Variants in SNTG1 observed in about 807,000 individuals in gnomAD.
SNTG1 encodes the protein syntrophin gamma 1, also known as gamma-1-syntrophin.
A neutral mutation model predicts 74.7 loss-of-function variants in SNTG1; 39 were observed. The ratio of observed to expected loss-of-function variants is 0.52; its 90% CI spans 0.40 to 0.68. SNTG1 has a LOEUF of 0.68. Among genes scored for constraint, SNTG1 ranks in the 30% least tolerant of loss-of-function variants. The pLI, the probability that SNTG1 is intolerant of heterozygous loss-of-function variation, is 0.00. For missense variants in SNTG1, 685 were observed against 609.5 expected (o/e 1.12, Z -1.30); for synonymous variants, 254 against 217.1 (o/e 1.17, Z -1.49).
At chr8:50,444,348 G>A (rs1018518859) in intron 5 of SNTG1, among the ~76,000 whole-genome samples, 2 of 152,086 alleles carry the variant, frequency 1.3e-5, no homozygotes, top group African/African-American at 4.8e-5. Context: ...TAAGTGCATG[G>A]ACGTGCTTGC....
At position 50,282,952 on chromosome 8, in the gene SNTG1, A is replaced by G. The variant is rs2088560938; in HGVS notation, c.-28+110317A>G. 2.0e-5 allele frequency among the ~76,000 whole-genome samples: 3 copies of G among 152,218 alleles called. No individual in the cohort carries two copies. The South Asian group carries it at 6.2e-4, about 32-fold the overall frequency. On this transcript the variant is annotated intron_variant, in intron 2 of 18. Transcript: ENST00000642720. ...CAAATAACCATATTGCCATGAAAAT[A>G]AAAGTATTCACTAAGAGTTTCTAAA... is the stretch of plus-strand genomic sequence containing the variant.
At chr8:50,595,411 A>G (rs2094720785) in intron 13 of SNTG1, among the ~76,000 whole-genome samples, 1 of 152,148 alleles carries the variant, frequency 6.6e-6, no homozygotes. Context: ...AAAGAGGTGT[A>G]AATGTTATTT....
At chr8:49,920,152 C>T (rs1295180936) in intron 1 of SNTG1, among the ~76,000 whole-genome samples, 1 of 152,040 alleles carries the variant, frequency 6.6e-6, no homozygotes, top group Non-Finnish European at 1.5e-5. Flanking sequence ...TCCAAGAAAT[C>T]TCCTTGAAGT....
At chr8:50,054,708 G>A (rs1362755162) in intron 1 of SNTG1, among the ~76,000 whole-genome samples, 3 of 151,966 alleles carry the variant, frequency 2.0e-5, no homozygotes, top group Non-Finnish European at 2.9e-5. Flanking sequence ...GTTTTACTCC[G>A]TTCCCCAAGC....
intron 17 of SNTG1, among the ~76,000 whole-genome samples, chr8:50,714,738 G>A (rs1228537403): frequency 2.0e-5 from 3 of 152,040 alleles, no homozygotes; most frequent in Non-Finnish European, 4.4e-5. Flanking sequence ...GGAGAGGAAA[G>A]CTGGAGAAAC....
intron 1 of SNTG1, among the ~76,000 whole-genome samples, chr8:50,089,180 G>T (rs1392606527): frequency 1.1e-4 from 16 of 151,944 alleles, no homozygotes; most frequent in African/African-American, 2.4e-4. Context: ...TAATAAATGG[G>T]GCTGGGAAAA....
chr8:50,346,558 A>G (rs959792283), intron 2 of SNTG1, among the ~76,000 whole-genome samples: 3 of 152,234 alleles, frequency 2.0e-5, no homozygotes, highest in African/African-American at 7.2e-5. Flanking sequence ...CTCCCTTTAA[A>G]TCAAAAGCTA....
chr8:50,638,028 C>A (rs1254362443), intron 13 of SNTG1, among the ~76,000 whole-genome samples: 1 of 152,068 alleles, frequency 6.6e-6, no homozygotes, highest in Non-Finnish European at 1.5e-5. Flanking sequence ...GATGTATCCA[C>A]GTCCATACCC....
chr8:50,264,357 C>T (rs1447583388), intron 2 of SNTG1, among the ~76,000 whole-genome samples: 2 of 151,984 alleles, frequency 1.3e-5, no homozygotes, highest in African/African-American at 2.4e-5. Flanking sequence ...CGTTTGAGGT[C>T]AGGAGTTCGA....
chr8:50,431,772 CT>C (rs1196475250), intron 4 of SNTG1, among the ~76,000 whole-genome samples: 1 of 152,146 alleles, frequency 6.6e-6, no homozygotes. Context: ...GCAATTCCCC[CT>C]GACAAATGAT....
rs529995962 is a variant in SNTG1 at position 50,795,202 on chromosome 8, AT to A, written c.*2378del. 5.0e-4 allele frequency: 76 copies of A among 152,134 alleles called. No homozygotes were observed. The highest frequency in any genetic ancestry group is 3.0e-3 in the Admixed American group (46 of 15,218). The allele number at this position is 152,134 out of a possible 1,614,324, so 9.4% of individuals were successfully genotyped here. A position where few individuals can be genotyped will look rare whatever the true frequency, so the allele number is the denominator to read the frequency against. On this transcript the variant is annotated 3_prime_UTR_variant, in exon 19 of 19. Transcript: ENST00000642720. ...AACTTATGACAATACCATTATGAATATTTTTGATACTATTGATAAAAAACAT... is the reference window on the plus strand; with the variant it reads ...AACTTATGACAATACCATTATGAATATTTTGATACTATTGATAAAAAACAT...
chr8:50,525,841 C>CT lies in SNTG1; in HGVS notation c.467-4336_467-4335insT, dbSNP rs75464612. 1.6e-3 allele frequency among the ~76,000 whole-genome samples: 188 copies of CT among 116,020 alleles called. 2 individuals carry two copies. The highest frequency in any genetic ancestry group is 0.012 in the African/African-American group (181 of 15,622). The allele number at this position is 116,020 out of a possible 152,430, so 76.1% of individuals were successfully genotyped here. A position where few individuals can be genotyped will look rare whatever the true frequency, so the allele number is the denominator to read the frequency against. Reference sequence around the variant, plus strand: ...TGTGTTTTTAAAGATAATTTACAGACCTGGTTTCCACTTGGTTTTCGGTGG... The same window carrying CT: ...TGTGTTTTTAAAGATAATTTACAGACTCTGGTTTCCACTTGGTTTTCGGTGG... On this transcript the variant is annotated intron_variant, in intron 9 of 18. Transcript: ENST00000642720.
chr8:50,022,789 C>T (rs1816939776), intron 1 of SNTG1, among the ~76,000 whole-genome samples: 1 of 152,100 alleles, frequency 6.6e-6, no homozygotes, highest in South Asian at 2.1e-4. Flanking sequence ...ACCCAAAATG[C>T]ACAGTTCTTG....
At chr8:50,289,537 T>C (rs1419461973) in intron 2 of SNTG1, among the ~76,000 whole-genome samples, 2 of 152,138 alleles carry the variant, frequency 1.3e-5, no homozygotes, top group African/African-American at 4.8e-5. Context: ...ACTAACACCA[T>C]TGAAGTTCTT....
chr8:50,356,242 C>T (rs753091027), intron 2 of SNTG1, among the ~76,000 whole-genome samples: 3 of 151,964 alleles, frequency 2.0e-5, no homozygotes, highest in South Asian at 4.1e-4. Context: ...TTTTGCCAAA[C>T]GACTTGATTC....
In SNTG1 at chr8:50,526,186, T is replaced by C. The variant is rs564508254; in HGVS notation, c.467-3991T>C. 2.0e-5 allele frequency among the ~76,000 whole-genome samples: 3 copies of C among 152,188 alleles called. No homozygotes were observed. In the South Asian group the frequency reaches 6.2e-4, roughly 32 times the overall value. On this transcript the variant is annotated intron_variant, in intron 9 of 18. Transcript: ENST00000642720. Reference sequence around the variant, plus strand: ...TGAGCCCCTGAACTCTTCTGTGTTCTCTGAGCCTCAGGCATCCAGAGTATG... The same window carrying C: ...TGAGCCCCTGAACTCTTCTGTGTTCCCTGAGCCTCAGGCATCCAGAGTATG...
rs183104081 is a variant in SNTG1, at chr8:50,673,017, A to C, written c.1038+14354A>C. Among the ~76,000 whole-genome samples, 207 of 152,142 alleles carry C rather than the reference A, an allele frequency of 1.4e-3. 2 individuals are homozygous for C. Among genetic ancestry groups the C allele is most frequent in the Middle Eastern group, 0.01 (3 of 294 alleles). On this transcript the variant is annotated intron_variant, in intron 15 of 18. Transcript: ENST00000642720. ...TTATAGATGTGTAGTATTATTTCTG[A>C]AGTCTCTGTTCTGTTCCATTGCCTG...
intron 1 of SNTG1, among the ~76,000 whole-genome samples, chr8:50,092,050 A>G (rs1202147660): frequency 6.6e-6 from 1 of 152,198 alleles, no homozygotes; most frequent in Non-Finnish European, 1.5e-5. Flanking sequence ...TAAGGAAAAT[A>G]TAATGCCTTT....
intron 1 of SNTG1, among the ~76,000 whole-genome samples, chr8:50,140,835 C>T (rs1336238650): frequency 6.6e-6 from 1 of 152,122 alleles, no homozygotes; most frequent in Non-Finnish European, 1.5e-5. Flanking sequence ...AGATTGTTTT[C>T]ATCTCACCTC....
Sources: gnomAD v4.1 joint callset for allele counts (sites outside exome capture counted in the v4.1 genomes callset) on GRCh38, gnomAD v4.1.1 for gene constraint, MANE v1.5 for transcripts, NCBI Gene and HGNC (gene_info 2026-07-23, HGNC 2026-07-21) for gene names.